The following TTC5 variants were observed in gnomAD, a reference collection of about 807,000 sequenced individuals.
TTC5 encodes tetratricopeptide repeat protein 5.
TTC5 carries 46 observed loss-of-function variants against 57.4 expected under a neutral mutation model. The ratio of observed to expected loss-of-function variants is 0.80; its 90% confidence interval spans 0.63 to 1.03. The LOEUF is 1.03. Ranked by LOEUF, TTC5 falls within the 50% of genes least tolerant of loss-of-function variation. The pLI is 0.00. For missense variants in TTC5, 504 were observed against 528.1 expected, an observed-to-expected ratio of 0.95 and a Z score of 0.45; for synonymous variants, 190 against 203.5, an observed-to-expected ratio of 0.93 and a Z score of 0.57.
chr14:20,301,560 G>GA (rs1882190981), intron 2 of TTC5, among the ~76,000 whole-genome samples: 1 of 152,120 alleles, frequency 6.6e-6, no homozygotes, highest in South Asian at 2.1e-4. Flanking sequence ...TATATAAGTG[G>GA]ATTTGAAAGT....
At chr14:20,296,802 C>T (rs1882074266) in intron 5 of TTC5, among the ~76,000 whole-genome samples, 2 of 152,138 alleles carry the variant, frequency 1.3e-5, no homozygotes, top group Admixed American at 1.3e-4. Flanking sequence ...CACCTGAGGT[C>T]AGGAGCTCAA....
chr14:20,296,691 T>C (rs1882071198), intron 5 of TTC5, among the ~76,000 whole-genome samples: 1 of 152,214 alleles, frequency 6.6e-6, no homozygotes, highest in Non-Finnish European at 1.5e-5. Flanking sequence ...CATGTAGTAG[T>C]ATTAAGATAG....
chr14:20,296,268 T>A (rs777261990), intron 6 of TTC5, 122 bp downstream of exon 6: 1 of 807,102 alleles, frequency 1.2e-6, no homozygotes, highest in East Asian at 2.5e-5. Flanking sequence ...AGAAATAGCA[T>A]GGCTTTCCTC....
intron 2 of TTC5, 22 bp downstream of exon 2, chr14:20,301,811 G>A: frequency 1.9e-6 from 3 of 1,613,350 alleles, no homozygotes; most frequent in Admixed American, 3.3e-5. Context: ...GATGGGGGTT[G>A]TACAATCTCT....
chr14:20,301,686 G>GTGGCACAGGGGAAAGTGGCACAAGGAAAA (rs1230456315), intron 2 of TTC5, 147 bp downstream of exon 2: 13 of 984,786 alleles, frequency 1.3e-5, no homozygotes, highest in Non-Finnish European at 1.7e-5. Flanking sequence ...GGGAATGAAA[G>GTGGCACAGGGGAAAGTGGCACAAGGAAAA]GTTGCACAGG....
Position 20,289,719 on chromosome 14 carries a change from C to T in TTC5, c.1231G>A (p.Glu411Lys). The T allele has an allele frequency of 6.2e-7, 1 of 1,613,716 alleles. No individual in the cohort carries two copies. Among genetic ancestry groups the T allele is most frequent in the Non-Finnish European group, 8.5e-7 (1 of 1,179,780 alleles). Residue 411 changes from glutamate to lysine, a missense_variant, in exon 10 of 10, where the codon GAG (glutamate) becomes AAG (lysine). By Grantham distance (56) the Glu-to-Lys change is moderately conservative. Coordinates refer to ENST00000258821, the MANE Select transcript of TTC5 (RefSeq NM_138376.3). ...TTCACCACTAGCAGGAGGGGCGTCTCCACTCGAACACTGGAAAAGGAATAG... is the reference window on the plus strand; with the variant it reads ...TTCACCACTAGCAGGAGGGGCGTCTTCACTCGAACACTGGAAAAGGAATAG... ...KDYSFSSVRV[E>K]TPLLLVVNGK... is the part of the protein sequence containing the mutation.
Position 20,295,462 on chromosome 14 carries a change from G to A in TTC5, c.908C>T (p.Pro303Leu). 1 of 1,614,126 alleles carries A rather than the reference G, an allele frequency of 6.2e-7. No homozygotes were observed. Among genetic ancestry groups the A allele is most frequent in the Non-Finnish European group, 8.5e-7 (1 of 1,180,016 alleles). Residue 303 changes from proline to leucine, a missense_variant, in exon 8 of 10, where the codon CCT (proline) becomes CTT (leucine). Coordinates refer to ENST00000258821, the MANE Select transcript of TTC5 (RefSeq NM_138376.3). ...TGACTGATAGTGCCCATCACTGCAA[G>A]GGCCTAGATGGGCTGGGCGCAAGCT... ...LGSLRPAHLG[P>L]CSDGHYQSAS...
Position 20,295,772 on chromosome 14 carries a change from G to T in TTC5, c.779C>A (p.Pro260His), listed in dbSNP as rs777251132. The T allele has an allele frequency of 1.9e-6, 3 of 1,614,084 alleles. No individual in the cohort carries two copies. The highest frequency in any genetic ancestry group is 1.1e-5 in the South Asian group (1 of 91,054). Residue 260 changes from proline to histidine, a missense_variant, in exon 7 of 10, where the codon CCC (proline) becomes CAC (histidine). Coordinates refer to ENST00000258821, the MANE Select transcript of TTC5 (RefSeq NM_138376.3). ...CAGAAGTTGTTGCTCTCGTTGCCGGGGCTCTGGCCAGGCAGGGTCCAGGGC... is the reference window on the plus strand; with the variant it reads ...CAGAAGTTGTTGCTCTCGTTGCCGGTGCTCTGGCCAGGCAGGGTCCAGGGC... Reference protein sequence around the residue: ...AAALDPAWPEPRQREQQLLEF... With the variant: ...AAALDPAWPEHRQREQQLLEF...
In TTC5 at chr14:20,305,915, T is replaced by C; in HGVS notation, c.23A>G (p.Glu8Gly). Residue 8 changes from glutamate to glycine, a missense_variant, in exon 1 of 10, where the codon GAA becomes GGA. Transcript: ENST00000258821. MMADEEE[E>G]VKPILQKLQE... is the part of the protein sequence containing the mutation. ...CAATTTCTGCAAGATCGGCTTGACT[T>C]CTTCCTCTTCATCAGCCATCATCTC... is the stretch of plus-strand genomic sequence containing the variant. 2 of 1,614,154 alleles carry C rather than the reference T, an allele frequency of 1.2e-6. No individual in the cohort carries two copies. The highest frequency in any genetic ancestry group is 1.7e-6 in the Non-Finnish European group (2 of 1,180,036).
At chr14:20,305,593 G>C in intron 1 of TTC5, 2 of 502,054 alleles carry the variant, frequency 4.0e-6, no homozygotes, top group South Asian at 5.1e-5. Context: ...TATGCTATTC[G>C]CTATGGATGA....
At chr14:20,297,728 G>A (rs138148906) in intron 5 of TTC5, among the ~76,000 whole-genome samples, 2,298 of 151,774 alleles carry the variant, frequency 0.015, 61 homozygotes, top group African/African-American at 0.052. Context: ...AGCCGAGATC[G>A]TGCCACTGCA....
intron 2 of TTC5, 127 bp from the exon 3 acceptor site, chr14:20,300,945 C>A: frequency 1.4e-6 from 1 of 736,564 alleles, no homozygotes; most frequent in East Asian, 2.6e-5. Context: ...TATCAATAAA[C>A]CATTTATTGA....
At chr14:20,291,289 C>A (rs1232258751) in intron 9 of TTC5, among the ~76,000 whole-genome samples, 1 of 152,130 alleles carries the variant, frequency 6.6e-6, no homozygotes, top group East Asian at 1.9e-4. Context: ...AACTCCTGGG[C>A]TCAAGTGATC....
intron 4 of TTC5, 42 bp downstream of exon 4, chr14:20,299,256 T>C: frequency 6.3e-7 from 1 of 1,599,286 alleles, no homozygotes; most frequent in Non-Finnish European, 8.5e-7. Context: ...ATTGAAAACA[T>C]CTGCTCTAGA....
At position 20,298,785 on chromosome 14, in the gene TTC5, ATAAG is replaced by A; in HGVS notation, c.639+8_639+11del. On this transcript the variant is annotated splice_region_variant and intron_variant, in intron 5 of 9. Coordinates refer to ENST00000258821, the MANE Select transcript of TTC5 (RefSeq NM_138376.3). ...TGCCTATTCATCTGGCCTGGTGACCATAAGTACTTACTGCTTGGGCATAGGCACT... is the reference window on the plus strand; with the variant it reads ...TGCCTATTCATCTGGCCTGGTGACCATACTTACTGCTTGGGCATAGGCACT... 1 of 1,595,808 alleles carries A rather than the reference ATAAG, an allele frequency of 6.3e-7. No homozygotes were observed. The highest frequency in any genetic ancestry group is 2.2e-5 in the East Asian group (1 of 44,794).
rs1881849102 is a variant in TTC5, at chr14:20,286,878, C to T, written c.*2749G>A. Reference sequence around the variant, plus strand: ...TTTTACCGAGAGAAAATATTAGTGGCTTCTAAATATATGAAAAGATGCTCA... The same window carrying T: ...TTTTACCGAGAGAAAATATTAGTGGTTTCTAAATATATGAAAAGATGCTCA... On this transcript the variant is annotated 3_prime_UTR_variant, in exon 10 of 10. Coordinates refer to ENST00000258821, the MANE Select transcript of TTC5 (RefSeq NM_138376.3). 1 of 151,974 alleles carries T rather than the reference C, an allele frequency of 6.6e-6. No homozygotes were observed. 9.4% of individuals were successfully genotyped at this position (151,974 alleles called of 1,614,324 possible).
chr14:20,291,078 C>T (rs981398216), intron 9 of TTC5, among the ~76,000 whole-genome samples: 1 of 151,458 alleles, frequency 6.6e-6, no homozygotes, highest in African/African-American at 2.4e-5. Context: ...TTTTTTGAGG[C>T]AGACTTTCTC....
intron 1 of TTC5, among the ~76,000 whole-genome samples, chr14:20,303,751 G>C (rs543518818): frequency 6.6e-6 from 1 of 152,242 alleles, no homozygotes; most frequent in South Asian, 2.1e-4. Flanking sequence ...TGACCTAGAA[G>C]ACTGTATGAG....
rs1253930782 is a variant in TTC5 at position 20,296,435 on chromosome 14, G to A, written c.651C>T (p.Asp217=). Residue 217 remains aspartate (D), a synonymous_variant, in exon 6 of 10, where the codon GAC becomes GAT. Transcript: ENST00000258821. ...LSAYAQAEKV[D]RKASSNPDLH... ...GGTCAGGATTGCTAGAAGCTTTTCT[G>A]TCAACTTTCTCCTATAATGGGATGA... 3 of 1,611,960 alleles carry A rather than the reference G, an allele frequency of 1.9e-6. No individual in the cohort carries two copies. The South Asian group carries it at 3.3e-5, about 18-fold the overall frequency.
Sources: allele counts gnomAD v4.1 joint callset (sites outside exome capture counted in the v4.1 genomes callset), GRCh38; gene constraint gnomAD v4.1.1; transcripts MANE v1.5; gene names NCBI Gene and HGNC (gene_info 2026-07-23, HGNC 2026-07-21).